Variants in MGME1 observed in about 807,000 individuals in gnomAD.
MGME1 encodes the protein chromosome 20 open reading frame 72.
Under a neutral mutation model 33.0 loss-of-function variants are expected in MGME1, and 22 were observed. The ratio of observed to expected loss-of-function variants is 0.67; its 90% CI spans 0.48 to 0.95. The LOEUF is 0.95. MGME1 is among the 40% of genes least tolerant of loss of function. The pLI is 0.00. For synonymous variants in MGME1, 133 were observed against 144.0 expected (o/e 0.92, Z 0.55); for missense variants, 383 against 397.8 (o/e 0.96, Z 0.32).
At position 17,990,929 on chromosome 20, in the gene MGME1, T is replaced by A. The variant is rs2036284479; in HGVS notation, c.*820T>A. ...AATCCATTTGTTTCTATTCAATAGGTAATAAAAATTAGTTGTCCCTGGGTT... is the reference window on the plus strand; with the variant it reads ...AATCCATTTGTTTCTATTCAATAGGAAATAAAAATTAGTTGTCCCTGGGTT... On this transcript the variant is annotated 3_prime_UTR_variant, in exon 5 of 5. Transcript: ENST00000377710. 1 of 152,168 alleles carries A rather than the reference T, an allele frequency of 6.6e-6. No individual in the cohort carries two copies. The highest frequency in any genetic ancestry group is 6.5e-5 in the Admixed American group (1 of 15,274). 9.4% of individuals were successfully genotyped at this position (152,168 alleles called of 1,614,324 possible). A position where few individuals can be genotyped will look rare whatever the true frequency, so the allele number is the denominator to read the frequency against.
At chr20:17,989,673 A>G (rs2036242836) in intron 4 of MGME1, among the ~76,000 whole-genome samples, 1 of 151,484 alleles carries the variant, frequency 6.6e-6, no homozygotes, top group Non-Finnish European at 1.5e-5. Context: ...CAAAAAAGAA[A>G]AAAAAAGCAC....
At chr20:17,989,379 G>A (rs879710114) in intron 4 of MGME1, among the ~76,000 whole-genome samples, 1 of 128,792 alleles carries the variant, frequency 7.8e-6, no homozygotes. Flanking sequence ...GAGCAAGACT[G>A]TCTCTCTCCA....
In MGME1 at chr20:17,990,106, A is replaced by G; in HGVS notation, c.1032A>G (p.Glu344=). 1 of 1,613,976 alleles carries G rather than the reference A, an allele frequency of 6.2e-7. No homozygotes were observed. Among genetic ancestry groups the G allele is most frequent in the East Asian group, 2.2e-5 (1 of 44,884 alleles). ...ATATTCAGAAACCAGAATATTCAGA[A>G]TAGGGAGCAAGTTGCTATTTGGGAA... ...NQNIQKPEYS[E] The change falls in exon 5 of 5, where the codon GAA becomes GAG. Residue 344 remains glutamate (E), a synonymous_variant. Coordinates refer to ENST00000377710, the MANE Select transcript of MGME1 (RefSeq NM_052865.4).
intron 3 of MGME1, among the ~76,000 whole-genome samples, chr20:17,978,133 G>A (rs1477833889): frequency 6.6e-6 from 1 of 152,052 alleles, no homozygotes; most frequent in Non-Finnish European, 1.5e-5. Context: ...CTTCCAATGT[G>A]GGCCAGGAAG....
intron 3 of MGME1, among the ~76,000 whole-genome samples, chr20:17,979,241 T>G (rs752195606): frequency 2.0e-4 from 30 of 151,764 alleles, no homozygotes; most frequent in Non-Finnish European, 3.5e-4. Flanking sequence ...CACGCCCAGC[T>G]AATTTTTTTG....
At chr20:17,972,574 C>A in intron 2 of MGME1, 1 of 791,190 alleles carries the variant, frequency 1.3e-6, no homozygotes, top group Non-Finnish European at 1.5e-6. Context: ...AAACATTTCA[C>A]TTTCATTACT....
chr20:17,980,113 C>T (rs139738169), intron 3 of MGME1, among the ~76,000 whole-genome samples: 6 of 152,216 alleles, frequency 3.9e-5, no homozygotes, highest in African/African-American at 1.4e-4. Context: ...ACAACCTCTG[C>T]TTCCCGGGTT....
chr20:17,972,473 C>T (rs1231254698), intron 2 of MGME1, among the ~76,000 whole-genome samples: 4 of 144,328 alleles, frequency 2.8e-5, no homozygotes, highest in African/African-American at 1.0e-4. Context: ...TGATTTAATC[C>T]TGAAGTATTA....
At chr20:17,981,647 T>TGTGTGTG (rs1398867216) in intron 3 of MGME1, among the ~76,000 whole-genome samples, 4 of 107,328 alleles carry the variant, frequency 3.7e-5, no homozygotes, top group African/African-American at 1.7e-4. Flanking sequence ...AATCTACTAC[T>TGTGTGTG]CGTGTGTGTG....
chr20:17,980,549 C>T (rs1044160134), intron 3 of MGME1, among the ~76,000 whole-genome samples: 3 of 151,936 alleles, frequency 2.0e-5, no homozygotes, highest in Admixed American at 2.0e-4. Context: ...GTGGCTCACA[C>T]CTGTAATCCC....
At chr20:17,975,244 G>T (rs1030526791) in intron 2 of MGME1, among the ~76,000 whole-genome samples, 1 of 151,908 alleles carries the variant, frequency 6.6e-6, no homozygotes, top group Non-Finnish European at 1.5e-5. Flanking sequence ...TGGTCTTAGG[G>T]GTTGTCACTT....
chr20:17,989,683 C>T (rs2036243228), intron 4 of MGME1, among the ~76,000 whole-genome samples: 1 of 149,190 alleles, frequency 6.7e-6, no homozygotes, highest in South Asian at 2.2e-4. Context: ...AAAAAAAGCA[C>T]TTTTCCACCC....
chr20:17,974,070 T>TTG (rs1360822323), intron 2 of MGME1, among the ~76,000 whole-genome samples: 227 of 144,966 alleles, frequency 1.6e-3, no homozygotes, highest in African/African-American at 5.7e-3. Context: ...TGTTTTTTTT[T>TTG]TTTTTTTTTT....
chr20:17,987,410 T>A (rs2036181302), intron 3 of MGME1, among the ~76,000 whole-genome samples: 1 of 152,158 alleles, frequency 6.6e-6, no homozygotes, highest in Admixed American at 6.5e-5. Flanking sequence ...TACATTTCAA[T>A]GACTTTGTAC....
intron 3 of MGME1, among the ~76,000 whole-genome samples, chr20:17,980,451 T>C (rs1395079103): frequency 6.6e-6 from 1 of 152,058 alleles, no homozygotes; most frequent in African/African-American, 2.4e-5. Context: ...CAATCATTTG[T>C]CCCCACACTC....
At chr20:17,971,630 A>C (rs918177423) in intron 2 of MGME1, among the ~76,000 whole-genome samples, 2 of 152,184 alleles carry the variant, frequency 1.3e-5, no homozygotes, top group Non-Finnish European at 2.9e-5. Context: ...AAGGAAGTGC[A>C]CCAGAGAGGA....
chr20:17,982,647 T>A (rs2036053004), intron 3 of MGME1, among the ~76,000 whole-genome samples: 1 of 152,188 alleles, frequency 6.6e-6, no homozygotes, highest in Non-Finnish European at 1.5e-5. Flanking sequence ...TGTTAGTAAT[T>A]TTGATAACAT....
Position 17,973,640 on chromosome 20 carries a change from CA to C in MGME1, c.512-2031del, listed in dbSNP as rs11482677. Among the ~76,000 whole-genome samples the C allele has an allele frequency of 3.4e-3, 506 of 147,658 alleles. 2 individuals carry two copies. The highest frequency in any genetic ancestry group is 0.011 in the African/African-American group (453 of 40,142). ...CTGGGTGACAAGTAAGACCCTGTCT[CA>C]AAAAAAAAAAAACTTGACAAATGTA... On this transcript the variant is annotated intron_variant, in intron 2 of 4. Transcript: ENST00000377710.
chr20:17,982,140 T>C (rs2036038992), intron 3 of MGME1, among the ~76,000 whole-genome samples: 1 of 152,250 alleles, frequency 6.6e-6, no homozygotes, highest in Non-Finnish European at 1.5e-5. Flanking sequence ...ATTTATTTTT[T>C]TTCTTGAGAC....
Sources: allele counts gnomAD v4.1 joint callset (sites outside exome capture counted in the v4.1 genomes callset), GRCh38; gene constraint gnomAD v4.1.1; transcripts MANE v1.5; gene names NCBI Gene and HGNC (gene_info 2026-07-23, HGNC 2026-07-21).